Variants in RALYL observed in about 807,000 individuals in gnomAD.
RALYL encodes the protein RNA-binding Raly-like protein.
In RALYL, 29 loss-of-function variants were observed where a neutral mutation model predicts 35.1. That is an observed-to-expected ratio of 0.83 (90% CI 0.61 to 1.13). The LOEUF (loss-of-function observed/expected upper bound fraction) is 1.13. Among genes scored for constraint, RALYL ranks in the 50% most tolerant of loss-of-function variants. The pLI, the probability that RALYL is intolerant of heterozygous loss-of-function variation, is 0.00. For synonymous variants in RALYL, 120 were observed against 127.6 expected, an observed-to-expected ratio of 0.94 and a Z score of 0.40; for missense variants, 359 against 360.4, an observed-to-expected ratio of 1.00 and a Z score of 0.03.
chr8:84,766,149 A>G (rs1456643303), intron 2 of RALYL, among the ~76,000 whole-genome samples: 2 of 152,210 alleles, frequency 1.3e-5, no homozygotes, highest in East Asian at 1.9e-4. Flanking sequence ...ATAAATAAAT[A>G]TAAAATATTT....
intron 2 of RALYL, among the ~76,000 whole-genome samples, chr8:84,755,264 C>T (rs919061211): frequency 6.6e-6 from 1 of 152,136 alleles, no homozygotes; most frequent in Non-Finnish European, 1.5e-5. Context: ...GTCTCACAAA[C>T]CAAATAGCAG....
intron 1 of RALYL, among the ~76,000 whole-genome samples, chr8:84,455,556 A>G (rs2050038041): frequency 6.6e-6 from 1 of 152,068 alleles, no homozygotes; most frequent in East Asian, 1.9e-4. Context: ...TTTTCTTCAT[A>G]TCAAAGAATT....
intron 4 of RALYL, among the ~76,000 whole-genome samples, chr8:84,836,980 A>G (rs1430664896): frequency 1.3e-5 from 2 of 152,200 alleles, no homozygotes; most frequent in African/African-American, 4.8e-5. Context: ...AGATTTCTTG[A>G]TCATCTAGAA....
At chr8:84,592,876 C>T (rs1334178930) in intron 2 of RALYL, among the ~76,000 whole-genome samples, 2 of 152,056 alleles carry the variant, frequency 1.3e-5, no homozygotes, top group African/African-American at 2.4e-5. Context: ...AAGGATATTG[C>T]CCACTAATAG....
chr8:84,772,480 T>A (rs1405300935), intron 2 of RALYL, among the ~76,000 whole-genome samples: 1 of 148,198 alleles, frequency 6.7e-6, no homozygotes, highest in Non-Finnish European at 1.5e-5. Context: ...TCTTCTAATT[T>A]TTCTGTTTAT....
intron 2 of RALYL, among the ~76,000 whole-genome samples, chr8:84,574,525 G>A (rs1808839108): frequency 6.6e-6 from 1 of 152,006 alleles, no homozygotes. Context: ...CCTCGACCCA[G>A]AAAGCCTATT....
At chr8:84,748,700 C>T (rs1809236020) in intron 2 of RALYL, among the ~76,000 whole-genome samples, 1 of 152,002 alleles carries the variant, frequency 6.6e-6, no homozygotes, top group African/African-American at 2.4e-5. Context: ...TAATCCTTGA[C>T]CAGAACCTTG....
intron 1 of RALYL, among the ~76,000 whole-genome samples, chr8:84,391,123 G>C (rs561376568): frequency 1.2e-3 from 184 of 152,078 alleles, no homozygotes; most frequent in African/African-American, 4.2e-3. Context: ...GTGAAAAGAA[G>C]ACAAGTCAGA....
intron 8 of RALYL, among the ~76,000 whole-genome samples, chr8:84,893,138 C>T (rs1174777737): frequency 1.3e-5 from 2 of 152,092 alleles, no homozygotes; most frequent in African/African-American, 4.8e-5. Flanking sequence ...AATAAAGACT[C>T]CTGGCAGAAA....
chr8:84,743,847 A>G (rs1040429428), intron 2 of RALYL, among the ~76,000 whole-genome samples: 1 of 152,092 alleles, frequency 6.6e-6, no homozygotes, highest in Non-Finnish European at 1.5e-5. Context: ...AAAGAAGGAT[A>G]CACATTTTAT....
At chr8:84,602,533 A>G (rs1042105856) in intron 2 of RALYL, among the ~76,000 whole-genome samples, 1 of 152,006 alleles carries the variant, frequency 6.6e-6, no homozygotes, top group Non-Finnish European at 1.5e-5. Flanking sequence ...ATTTTCCTTA[A>G]TAGAAACGTA....
At chr8:84,298,102 CTT>C (rs1254659061) in intron 1 of RALYL, among the ~76,000 whole-genome samples, 2 of 152,038 alleles carry the variant, frequency 1.3e-5, no homozygotes, top group Admixed American at 1.3e-4. Context: ...ATCATGAAAT[CTT>C]TGCCAGAGCC....
chr8:84,574,102 C>T (rs1040355146), intron 2 of RALYL, among the ~76,000 whole-genome samples: 1 of 151,932 alleles, frequency 6.6e-6, no homozygotes, highest in African/African-American at 2.4e-5. Flanking sequence ...AGAGTTTAGG[C>T]TTTAATCTGA....
intron 1 of RALYL, among the ~76,000 whole-genome samples, chr8:84,497,648 T>TG (rs1184841348): frequency 6.8e-5 from 10 of 147,482 alleles, no homozygotes; most frequent in Non-Finnish European, 1.2e-4. Flanking sequence ...TTTTGTTTTT[T>TG]TTTTTTTTTT....
intron 2 of RALYL, among the ~76,000 whole-genome samples, chr8:84,634,497 A>G (rs1824604893): frequency 6.6e-6 from 1 of 151,862 alleles, no homozygotes. Flanking sequence ...TTGGACTGTG[A>G]GTTGCTGGCA....
rs568400461 is a variant in RALYL at position 84,275,622 on chromosome 8, C to T, written c.-24+91198C>T. Among the ~76,000 whole-genome samples, 11 of 152,066 alleles carry T rather than the reference C, an allele frequency of 7.2e-5. No homozygotes were observed. In the South Asian group the frequency reaches 1.5e-3, roughly 20 times the overall value. On this transcript the variant is annotated intron_variant, in intron 1 of 8. Coordinates refer to ENST00000521268, the MANE Select transcript of RALYL (RefSeq NM_173848.7). ...TAGTCATAATTTTCTGCAATAGATC[C>T]ATTGAATTTATTCTTTCTATCAAAT...
chr8:84,868,456 G>A (rs1214607058), intron 6 of RALYL, among the ~76,000 whole-genome samples: 1 of 152,098 alleles, frequency 6.6e-6, no homozygotes, highest in Non-Finnish European at 1.5e-5. Flanking sequence ...GCCTCCTAAA[G>A]CACTGGGATT....
intron 2 of RALYL, among the ~76,000 whole-genome samples, chr8:84,563,040 G>A (rs1483888488): frequency 2.0e-5 from 3 of 151,898 alleles, no homozygotes; most frequent in South Asian, 2.1e-4. Flanking sequence ...GCAGTCCTAG[G>A]AGTACCTGAT....
chr8:84,741,629 T>A (rs114338536), intron 2 of RALYL, among the ~76,000 whole-genome samples: 1,890 of 152,058 alleles, frequency 0.012, 43 homozygotes, highest in African/African-American at 0.043. Context: ...TTAATCACCT[T>A]CTAAAGACCT....
Sources: gnomAD v4.1 joint callset for allele counts (sites outside exome capture counted in the v4.1 genomes callset) on GRCh38, gnomAD v4.1.1 for gene constraint, MANE v1.5 for transcripts, NCBI Gene and HGNC (gene_info 2026-07-23, HGNC 2026-07-21) for gene names.